INPP4B: variants seen among roughly 807,000 people sequenced by gnomAD.
The protein encoded by INPP4B is inositol polyphosphate 4-phosphatase type II.
In INPP4B, 55 loss-of-function variants were observed where a neutral mutation model predicts 122.5. The observed-to-expected ratio is 0.45, with a 90% confidence interval of 0.36 to 0.56. The LOEUF is 0.56. Ranked by LOEUF, INPP4B falls within the 20% of genes least tolerant of loss-of-function variation. INPP4B has a pLI of 0.00. For missense variants in INPP4B, 1,000 were observed against 1,097.7 expected, an observed-to-expected ratio of 0.91 and a Z score of 1.26; for synonymous variants, 403 against 388.7, an observed-to-expected ratio of 1.04 and a Z score of -0.43.
chr4:142,580,425 A>G (rs1280179254), intron 2 of INPP4B, among the ~76,000 whole-genome samples: 1 of 151,962 alleles, frequency 6.6e-6, no homozygotes, highest in Non-Finnish European at 1.5e-5. Flanking sequence ...CCTGTTTTAA[A>G]CATGCATCTG....
chr4:142,187,769 CT>C (rs142281339), intron 15 of INPP4B, among the ~76,000 whole-genome samples: 8,917 of 151,994 alleles, frequency 0.059, 649 homozygotes, highest in East Asian at 0.2. Context: ...AATTTTTGCA[CT>C]TTTTTTGTAG....
At chr4:142,111,414 T>C (rs1789976910) in intron 22 of INPP4B, among the ~76,000 whole-genome samples, 1 of 152,004 alleles carries the variant, frequency 6.6e-6, no homozygotes, top group African/African-American at 2.4e-5. Flanking sequence ...TGGTGCAATC[T>C]CAGCTCACCG....
At chr4:142,037,650 C>G (rs1041803539) in intron 25 of INPP4B, among the ~76,000 whole-genome samples, 2 of 152,132 alleles carry the variant, frequency 1.3e-5, no homozygotes, top group African/African-American at 2.4e-5. Flanking sequence ...GGTATACCAT[C>G]CTGAAATTAC....
chr4:142,686,620 T>C (rs1759381655), intron 2 of INPP4B, among the ~76,000 whole-genome samples: 1 of 152,138 alleles, frequency 6.6e-6, no homozygotes, highest in Non-Finnish European at 1.5e-5. Flanking sequence ...TTAATCATTC[T>C]GAACTTGAAC....
intron 19 of INPP4B, 87 bp from the exon 20 acceptor site, chr4:142,123,502 C>T: frequency 1.5e-6 from 2 of 1,329,910 alleles, no homozygotes; most frequent in Non-Finnish European, 1.0e-6. Flanking sequence ...TGAGGCATCA[C>T]AGATTCGATT....
chr4:142,576,578 C>T (rs1733896984), intron 2 of INPP4B, among the ~76,000 whole-genome samples: 1 of 151,666 alleles, frequency 6.6e-6, no homozygotes, highest in Non-Finnish European at 1.5e-5. Flanking sequence ...ATACCAAAGC[C>T]ATAAAAGAAA....
intron 19 of INPP4B, among the ~76,000 whole-genome samples, chr4:142,123,832 C>T (rs758436123): frequency 7.9e-4 from 120 of 152,056 alleles, no homozygotes; most frequent in Non-Finnish European, 1.6e-3. Context: ...GCATATTTTC[C>T]GACACCTGGT....
chr4:142,260,633 T>G, intron 10 of INPP4B, 69 bp from the exon 11 acceptor site: 1 of 1,071,682 alleles, frequency 9.3e-7, no homozygotes, highest in South Asian at 1.4e-5. Context: ...TATTATTTTA[T>G]TTGCAAAACA....
At chr4:142,227,227 T>A (rs1851945193) in intron 12 of INPP4B, among the ~76,000 whole-genome samples, 1 of 152,044 alleles carries the variant, frequency 6.6e-6, no homozygotes, top group African/African-American at 2.4e-5. Flanking sequence ...AAGAGTCTAC[T>A]CTGGAGACAC....
rs1843467369 is a variant in INPP4B, at chr4:142,208,457, T to C, written c.1040A>G (p.Gln347Arg). ...GTGAGGGCTGTGTACCTGCATTCTT[T>C]GCAGATGTAGATTTATTGGAACAAA... ...LEFVPINLHL[Q>R]RMQVHSPHLK... is the part of the protein sequence containing the mutation. The change falls in exon 14 of 26, where the codon CAA (glutamine) becomes CGA (arginine). Residue 347 changes from glutamine to arginine, a missense_variant. Gln to Arg is a conservative substitution (Grantham distance 43). Transcript: ENST00000262992. 1 of 1,598,406 alleles carries C rather than the reference T, an allele frequency of 6.3e-7. No individual in the cohort carries two copies. The highest frequency in any genetic ancestry group is 1.3e-5 in the African/African-American group (1 of 74,236).
intron 2 of INPP4B, among the ~76,000 whole-genome samples, chr4:142,573,162 A>G (rs542472685): frequency 6.6e-6 from 1 of 152,044 alleles, no homozygotes; most frequent in African/African-American, 2.4e-5. Flanking sequence ...GCTAAGGGGG[A>G]AAGTGCCACA....
chr4:142,309,592 C>T (rs1328933563), intron 8 of INPP4B, among the ~76,000 whole-genome samples: 1 of 152,126 alleles, frequency 6.6e-6, no homozygotes, highest in African/African-American at 2.4e-5. Flanking sequence ...AAGTTAGAAC[C>T]CAGGTTTCTT....
chr4:142,448,953 C>T (rs10015184), intron 3 of INPP4B, among the ~76,000 whole-genome samples: 23,519 of 152,128 alleles, frequency 0.15, 2,087 homozygotes, highest in East Asian at 0.37. Flanking sequence ...CCTGACCAGG[C>T]AGAAGATAAT....
At chr4:142,666,279 TA>T (rs1056135601) in intron 2 of INPP4B, among the ~76,000 whole-genome samples, 3 of 152,022 alleles carry the variant, frequency 2.0e-5, no homozygotes, top group Admixed American at 1.3e-4. Context: ...GCAACAAGAG[TA>T]AAAATGTATA....
chr4:142,669,310 A>G (rs1349163690), intron 2 of INPP4B, among the ~76,000 whole-genome samples: 1 of 152,158 alleles, frequency 6.6e-6, no homozygotes, highest in Non-Finnish European at 1.5e-5. Context: ...GAAATAAAAC[A>G]TAATCCCAAA....
chr4:142,634,980 C>G (rs967550783), intron 2 of INPP4B, among the ~76,000 whole-genome samples: 1 of 152,000 alleles, frequency 6.6e-6, no homozygotes, highest in Non-Finnish European at 1.5e-5. Context: ...GGTCTAATAT[C>G]CAGCATCTAT....
intron 5 of INPP4B, chr4:142,427,076 T>C (rs1808256903): frequency 6.5e-6 from 1 of 153,088 alleles, no homozygotes; most frequent in Non-Finnish European, 1.5e-5. Context: ...CGTCGGAGGA[T>C]TTGTGGAATT....
intron 20 of INPP4B, 37 bp from the exon 21 acceptor site, chr4:142,122,282 A>G: frequency 4.8e-6 from 7 of 1,448,266 alleles, no homozygotes; most frequent in South Asian, 1.2e-5. Context: ...ACAAACAAAC[A>G]TTTGAGGAAA....
intron 11 of INPP4B, among the ~76,000 whole-genome samples, chr4:142,255,207 C>T (rs947300003): frequency 1.3e-5 from 2 of 151,838 alleles, no homozygotes; most frequent in African/African-American, 2.4e-5. Context: ...GAAGGAAGCG[C>T]TAAACATGGA....
Sources: allele counts gnomAD v4.1 joint callset (sites outside exome capture counted in the v4.1 genomes callset), GRCh38; gene constraint gnomAD v4.1.1; transcripts MANE v1.5; gene names NCBI Gene and HGNC (gene_info 2026-07-23, HGNC 2026-07-21).